The following WNT5B variants were observed in gnomAD, a reference collection of about 807,000 sequenced individuals.
WNT5B encodes protein Wnt-5b.
In WNT5B, 18 loss-of-function variants were observed where a neutral mutation model predicts 36.5. The observed-to-expected ratio is 0.49, with a 90% CI of 0.34 to 0.73. The LOEUF is 0.73. Ranked by LOEUF, WNT5B falls within the 30% of genes least tolerant of loss-of-function variation. The pLI is 0.01. For synonymous variants in WNT5B, 213 were observed against 212.3 expected (o/e 1.00, Z -0.03); for missense variants, 424 against 508.4 (o/e 0.83, Z 1.60).
At chr12:1,627,571 C>G (rs2094542979), upstream of WNT5B, among the ~76,000 whole-genome samples, 1 of 152,100 alleles carries the variant, frequency 6.6e-6, no homozygotes, top group South Asian at 2.1e-4. This position sits in a 1 kb window ranked among gnomAD's most constrained non-coding sequence, Gnocchi z 5.0. Flanking sequence ...GGACATGGCC[C>G]CTTAAGGAAA....
intron 4 of WNT5B, among the ~76,000 whole-genome samples, chr12:1,641,674 C>T (rs1361871794): frequency 2.7e-5 from 4 of 150,406 alleles, no homozygotes. Context: ...CGTGGTGGCA[C>T]ACGCTTGTAA....
intron 1 of WNT5B, among the ~76,000 whole-genome samples, chr12:1,620,736 G>C (rs372745374): frequency 1.5e-5 from 2 of 134,000 alleles, no homozygotes; most frequent in Non-Finnish European, 3.1e-5. Context: ...ACGGAGTCTC[G>C]CTCTGTGGCC....
At chr12:1,640,665 C>T (rs767328243) in intron 4 of WNT5B, among the ~76,000 whole-genome samples, 66 of 152,192 alleles carry the variant, frequency 4.3e-4, no homozygotes, top group Non-Finnish European at 6.8e-4. Flanking sequence ...CACACCTGGG[C>T]GGCAGCTTCT....
At chr12:1,643,615 C>T (rs376108968) in intron 4 of WNT5B, among the ~76,000 whole-genome samples, 36 of 150,214 alleles carry the variant, frequency 2.4e-4, no homozygotes, top group African/African-American at 8.8e-4. Flanking sequence ...ATCCGCCCGC[C>T]TTGGCCTCCT....
At chr12:1,631,618 TC>T (rs1278200334) in intron 2 of WNT5B, among the ~76,000 whole-genome samples, 184 bp downstream of exon 2, 1 of 152,226 alleles carries the variant, frequency 6.6e-6, no homozygotes, top group East Asian at 1.9e-4. Flanking sequence ...TTGTAAGGGT[TC>T]CCTGAGGATA....
At position 1,646,062 on chromosome 12, in the gene WNT5B, TGGGCA is replaced by T. The variant is rs924808151; in HGVS notation, c.891_895del (p.Gly298AlafsTer16). 4 of 1,613,530 alleles carry T rather than the reference TGGGCA, an allele frequency of 2.5e-6. No individual in the cohort carries two copies. In the African/African-American group the frequency reaches 5.3e-5, roughly 22 times the overall value. ...CTGCGCAACGAGAGCACGGGCTCCC[TGGGCA>T]CGCAGGGCCGCCTCTGCAACAAGAC... On this transcript the variant is annotated frameshift_variant, in exon 5 of 5. Coordinates refer to ENST00000397196, the MANE Select transcript of WNT5B (RefSeq NM_032642.3). LOFTEE classifies it high-confidence loss of function.
intron 1 of WNT5B, among the ~76,000 whole-genome samples, chr12:1,617,422 C>G (rs1592510995): frequency 6.6e-6 from 1 of 151,456 alleles, no homozygotes; most frequent in Admixed American, 6.6e-5. Context: ...ATTGCTTGAG[C>G]CCAGGAGTTC....
chr12:1,631,209 C>T, intron 1 of WNT5B, 89 bp from the exon 2 acceptor site: 1 of 1,183,942 alleles, frequency 8.4e-7, no homozygotes, highest in Non-Finnish European at 1.2e-6. Flanking sequence ...ACGTAAGCAT[C>T]AGTGCAACTT....
intron 3 of WNT5B, 76 bp from the exon 4 acceptor site, chr12:1,639,608 C>CGGGGGA: frequency 7.1e-7 from 1 of 1,418,284 alleles, no homozygotes; most frequent in Non-Finnish European, 9.2e-7. Flanking sequence ...GCGGGTCCGT[C>CGGGGGA]GGGGGAGACG....
At chr12:1,643,426 G>A (rs1237144288) in intron 4 of WNT5B, among the ~76,000 whole-genome samples, 7 of 152,014 alleles carry the variant, frequency 4.6e-5, no homozygotes, top group East Asian at 3.9e-4. Flanking sequence ...GTGCAATGGC[G>A]CGATCTCGGC....
Position 1,630,546 on chromosome 12 carries a change from T to C in WNT5B, c.-57-752T>C, listed in dbSNP as rs568507197. On this transcript the variant is annotated intron_variant, in intron 1 of 4. Coordinates refer to ENST00000397196, the MANE Select transcript of WNT5B (RefSeq NM_032642.3). The surrounding 1 kb of genome is among the most constrained non-coding windows in gnomAD (Gnocchi z 5.3). ...CGCCTGGCGTCGGCAGTGTCCCCGGTGCAGCTGCTGGGCAAGGTACTCGGT... is the reference window on the plus strand; with the variant it reads ...CGCCTGGCGTCGGCAGTGTCCCCGGCGCAGCTGCTGGGCAAGGTACTCGGT... Among the ~76,000 whole-genome samples, 9 of 152,144 alleles carry C rather than the reference T, an allele frequency of 5.9e-5. No homozygotes were observed. The South Asian group carries it at 1.7e-3, about 28-fold the overall frequency.
chr12:1,625,972 T>C (rs926128287), upstream of WNT5B, among the ~76,000 whole-genome samples: 18 of 143,740 alleles, frequency 1.3e-4, no homozygotes, highest in African/African-American at 4.9e-4. Context: ...CTGTTTTTTT[T>C]CTCTCTCTTT....
At chr12:1,639,626 G>A in intron 3 of WNT5B, 58 bp from the exon 4 acceptor site, 1 of 1,434,364 alleles carries the variant, frequency 7.0e-7, no homozygotes, top group South Asian at 1.5e-5. Context: ...ACGGGGGGAA[G>A]GACAGGTCCC....
At chr12:1,623,187 G>T (rs796838727) in intron 1 of WNT5B, among the ~76,000 whole-genome samples, 1,470 of 58,166 alleles carry the variant, frequency 0.025, 30 homozygotes, top group African/African-American at 0.033. Context: ...GTTTTTTGTT[G>T]TTTTTTTTTT....
At chr12:1,621,695 C>T (rs1471824884) in intron 1 of WNT5B, among the ~76,000 whole-genome samples, 2 of 142,746 alleles carry the variant, frequency 1.4e-5, no homozygotes, top group East Asian at 4.0e-4. Flanking sequence ...ACATGTGCCA[C>T]CATATCCAGC....
intron 1 of WNT5B, among the ~76,000 whole-genome samples, chr12:1,620,903 A>G (rs963282426): frequency 2.1e-5 from 1 of 47,664 alleles, no homozygotes; most frequent in African/African-American, 8.1e-5. Flanking sequence ...AGGTTTCACC[A>G]TGTTGGCCAG....
Position 1,639,917 on chromosome 12 carries a change from G to A in WNT5B, c.562G>A (p.Gly188Arg). The change falls in exon 4 of 5, where the codon GGA becomes AGA. Residue 188 changes from glycine (G) to arginine (R), a missense_variant. Coordinates refer to ENST00000397196, the MANE Select transcript of WNT5B (RefSeq NM_032642.3). ...GGAGCGAGAGAAGAACTTTGCCAAA[G>A]GATCAGAGGAGCAGGGCCGGGTGCT... is the stretch of plus-strand genomic sequence containing the variant. ...AREREKNFAKGSEEQGRVLMN... is the reference protein window; with the variant it reads ...AREREKNFAKRSEEQGRVLMN... The A allele has an allele frequency of 6.2e-7, 1 of 1,614,096 alleles. No homozygotes were observed. The highest frequency in any genetic ancestry group is 8.5e-7 in the Non-Finnish European group (1 of 1,179,976).
At chr12:1,631,186 G>T in intron 1 of WNT5B, 112 bp from the exon 2 acceptor site, 1 of 949,472 alleles carries the variant, frequency 1.1e-6, no homozygotes, top group East Asian at 2.7e-5. Flanking sequence ...CTTCTTTGTG[G>T]GGAACACGCA....
chr12:1,623,218 C>T (rs1371137899), intron 1 of WNT5B, among the ~76,000 whole-genome samples: 6 of 23,900 alleles, frequency 2.5e-4, no homozygotes, highest in African/African-American at 7.4e-4. Flanking sequence ...TTTTTTGAGA[C>T]GGAGTCTCGC....
Sources: allele counts gnomAD v4.1 joint callset (sites outside exome capture counted in the v4.1 genomes callset), GRCh38; gene constraint gnomAD v4.1.1; non-coding constraint Gnocchi (gnomAD v3.1); transcripts MANE v1.5; gene names NCBI Gene and HGNC (gene_info 2026-07-23, HGNC 2026-07-21).